The following LPXN variants were observed in gnomAD, a reference collection of about 807,000 sequenced individuals.
LPXN encodes the protein leupaxin.
In LPXN, 28 loss-of-function variants were observed where a neutral mutation model predicts 45.6. The ratio of observed to expected loss-of-function variants is 0.61; its 90% CI spans 0.45 to 0.84. The LOEUF (loss-of-function observed/expected upper bound fraction) is 0.84. Among genes scored for constraint, LPXN ranks in the 40% least tolerant of loss-of-function variants. The pLI, the probability that LPXN is intolerant of heterozygous loss-of-function variation, is 0.00. For missense variants in LPXN, 459 were observed against 475.0 expected (o/e 0.97, Z 0.31); for synonymous variants, 166 against 169.9 (o/e 0.98, Z 0.18).
chr11:58,529,384 G>A lies in LPXN; in HGVS notation c.743-1193C>T, dbSNP rs541917533. On this transcript the variant is annotated intron_variant, in intron 7 of 8. Transcript: ENST00000395074. ...CCAGCACTTTGGGAGGCCGAGGCGGGTGGATCACGAGGTCAGGAGATCGAG... is the reference window on the plus strand; with the variant it reads ...CCAGCACTTTGGGAGGCCGAGGCGGATGGATCACGAGGTCAGGAGATCGAG... 1.5e-3 allele frequency among the ~76,000 whole-genome samples: 234 copies of A among 152,230 alleles called. 3 individuals carry two copies. The highest frequency in any genetic ancestry group is 5.5e-3 in the African/African-American group (230 of 41,554).
At chr11:58,528,812 T>C (rs769678585) in intron 7 of LPXN, among the ~76,000 whole-genome samples, 2 of 152,222 alleles carry the variant, frequency 1.3e-5, no homozygotes, top group African/African-American at 2.4e-5. Flanking sequence ...TACCATATAT[T>C]TGAATTAAAA....
chr11:58,544,540 G>T (rs930616677), intron 7 of LPXN, among the ~76,000 whole-genome samples: 3 of 152,196 alleles, frequency 2.0e-5, no homozygotes, highest in Admixed American at 1.3e-4. Flanking sequence ...GAGTGGGATA[G>T]CAGGGGAGTA....
upstream of LPXN, among the ~76,000 whole-genome samples, chr11:58,578,436 C>A (rs1177535712): frequency 6.6e-6 from 1 of 152,188 alleles, no homozygotes; most frequent in African/African-American, 2.4e-5. Context: ...TGCGCATGCG[C>A]CAAGAGGCGG....
chr11:58,539,624 T>C (rs1404316074), intron 7 of LPXN, among the ~76,000 whole-genome samples: 2 of 152,164 alleles, frequency 1.3e-5, no homozygotes, highest in African/African-American at 2.4e-5. Context: ...ATAGATCAAA[T>C]TATACCAAGT....
chr11:58,567,994 T>C (rs1854573524), intron 2 of LPXN, among the ~76,000 whole-genome samples: 1 of 152,230 alleles, frequency 6.6e-6, no homozygotes, highest in Non-Finnish European at 1.5e-5. Context: ...ACATAATTTG[T>C]ATGACATTAA....
At chr11:58,571,036 C>T (rs1854679748) in intron 1 of LPXN, among the ~76,000 whole-genome samples, 1 of 152,048 alleles carries the variant, frequency 6.6e-6, no homozygotes, top group Non-Finnish European at 1.5e-5. Flanking sequence ...CACAAATATC[C>T]TTAATTAGAA....
intron 7 of LPXN, among the ~76,000 whole-genome samples, chr11:58,546,434 G>A (rs550083610): frequency 6.6e-6 from 1 of 152,326 alleles, no homozygotes; most frequent in South Asian, 2.1e-4. Context: ...ATGAGGAAAC[G>A]AGTCAAGCTC....
intron 2 of LPXN, among the ~76,000 whole-genome samples, chr11:58,565,641 A>G (rs1565203362): frequency 6.6e-6 from 1 of 152,080 alleles, no homozygotes; most frequent in African/African-American, 2.4e-5. Flanking sequence ...ATTTCCTGAA[A>G]TATCTTAAAG....
chr11:58,527,968 T>G, intron 8 of LPXN, 75 bp downstream of exon 8: 9 of 1,511,298 alleles, frequency 6.0e-6, no homozygotes, highest in Non-Finnish European at 8.1e-6. Context: ...ACCCTTTCAC[T>G]AACTGCAGCT....
At chr11:58,545,742 T>C (rs1465439010) in intron 7 of LPXN, among the ~76,000 whole-genome samples, 2 of 152,112 alleles carry the variant, frequency 1.3e-5, no homozygotes, top group Non-Finnish European at 2.9e-5. Context: ...CAAAAGGCAG[T>C]TGTGATGTTT....
At chr11:58,569,552 C>T (rs1246028734) in intron 2 of LPXN, among the ~76,000 whole-genome samples, 2 of 151,958 alleles carry the variant, frequency 1.3e-5, no homozygotes, top group Admixed American at 1.3e-4. Context: ...CCACACCCTG[C>T]TCATTTTTTA....
At chr11:58,554,420 C>G (rs1241023506) in intron 4 of LPXN, among the ~76,000 whole-genome samples, 1 of 152,154 alleles carries the variant, frequency 6.6e-6, no homozygotes, top group Non-Finnish European at 1.5e-5. Context: ...CCTTTCTTCC[C>G]ATCTCTTTAT....
At chr11:58,554,027 T>C (rs1854127227) in intron 4 of LPXN, 1 of 152,576 alleles carries the variant, frequency 6.6e-6, no homozygotes, top group Non-Finnish European at 1.5e-5. Context: ...TAACAGTCCT[T>C]TTGGCCGGGC....
At chr11:58,547,622 G>C (rs1853914099) in intron 7 of LPXN, among the ~76,000 whole-genome samples, 1 of 152,180 alleles carries the variant, frequency 6.6e-6, no homozygotes, top group Non-Finnish European at 1.5e-5. Flanking sequence ...GAGGTCAGGA[G>C]AGAGGAAAGG....
chr11:58,551,157 G>A lies in LPXN; in HGVS notation c.394C>T (p.Leu132Phe). The A allele has an allele frequency of 4.3e-6, 7 of 1,612,056 alleles. No homozygotes were observed. Among genetic ancestry groups the A allele is most frequent in the Non-Finnish European group, 5.9e-6 (7 of 1,179,100 alleles). The stretch of plus-strand genomic sequence containing the variant: ...TGCAATTCCTGCTCCAGACCCCCAA[G>A]CATTGAGTCCAGGGAGGCCTTGTGA... ...QDHKASLDSMLGGLEQELQDL... is the reference protein window; with the variant it reads ...QDHKASLDSMFGGLEQELQDL... Residue 132 changes from leucine (L) to phenylalanine (F), a missense_variant, in exon 5 of 9, where the codon CTT (leucine) becomes TTT (phenylalanine). Transcript: ENST00000395074.
intron 1 of LPXN, among the ~76,000 whole-genome samples, chr11:58,573,692 T>C (rs1854785573): frequency 6.6e-6 from 1 of 152,092 alleles, no homozygotes; most frequent in Non-Finnish European, 1.5e-5. Context: ...ATGACTAATT[T>C]CAGTATGACA....
intron 7 of LPXN, among the ~76,000 whole-genome samples, chr11:58,532,451 T>C (rs911128212): frequency 2.6e-5 from 4 of 152,210 alleles, no homozygotes; most frequent in African/African-American, 9.6e-5. Context: ...AGCTAGAGGA[T>C]TGTAAATGCA....
rs569326416 is a variant in LPXN at position 58,531,151 on chromosome 11, A to G, written c.743-2960T>C. 3.3e-5 allele frequency among the ~76,000 whole-genome samples: 5 copies of G among 152,238 alleles called. No homozygotes were observed. In the South Asian group the frequency reaches 1.0e-3, roughly 32 times the overall value. ...CAAAAACCAGAATGCCTCTTCTCCA[A>G]AGGATCACAACTCCTCAACACCAAG... On this transcript the variant is annotated intron_variant, in intron 7 of 8. Transcript: ENST00000395074.
chr11:58,539,245 GGCT>G (rs1249193355), intron 7 of LPXN, among the ~76,000 whole-genome samples: 1 of 152,188 alleles, frequency 6.6e-6, no homozygotes, highest in Non-Finnish European at 1.5e-5. Flanking sequence ...AGGAGTTCAA[GGCT>G]GTAGCAAGCT....
Sources: gnomAD v4.1 joint callset for allele counts (sites outside exome capture counted in the v4.1 genomes callset) on GRCh38, gnomAD v4.1.1 for gene constraint, MANE v1.5 for transcripts, NCBI Gene and HGNC (gene_info 2026-07-23, HGNC 2026-07-21) for gene names.